Variants in MCC observed in about 807,000 individuals in gnomAD.
MCC encodes colorectal mutant cancer protein.
MCC carries 90 observed loss-of-function variants against 116.2 expected under a neutral mutation model. The ratio of observed to expected loss-of-function variants is 0.77; its 90% CI spans 0.65 to 0.92. The LOEUF (loss-of-function observed/expected upper bound fraction) is 0.92. MCC is among the 40% of genes least tolerant of loss of function. The pLI, the probability that MCC is intolerant of heterozygous loss-of-function variation, is 0.00. For missense variants in MCC, 1,516 were observed against 1,312.2 expected (o/e 1.16, Z -2.40); for synonymous variants, 578 against 510.5 (o/e 1.13, Z -1.78).
chr5:113,180,205 C>T (rs1358168979), intron 3 of MCC, among the ~76,000 whole-genome samples: 1 of 152,060 alleles, frequency 6.6e-6, no homozygotes, highest in South Asian at 2.1e-4. Flanking sequence ...TTTTTATTTG[C>T]CATGTTCTCA....
At chr5:113,442,535 G>A (rs921567876) in intron 1 of MCC, among the ~76,000 whole-genome samples, 1 of 152,100 alleles carries the variant, frequency 6.6e-6, no homozygotes, top group Non-Finnish European at 1.5e-5. Context: ...GGCTTTTGTT[G>A]CCATTGCTTT....
intron 3 of MCC, among the ~76,000 whole-genome samples, chr5:113,259,977 A>C (rs1413561568): frequency 6.6e-6 from 1 of 152,148 alleles, no homozygotes; most frequent in African/African-American, 2.4e-5. Context: ...CAAACTACAA[A>C]ATGACTCTAG....
rs559915062 is a variant in MCC, at chr5:113,026,313, T to C, written c.*989A>G. On this transcript the variant is annotated 3_prime_UTR_variant, in exon 19 of 19. Transcript: ENST00000408903. Reference sequence around the variant, plus strand: ...AGTAGGCGTGATAAGTTTTGCAAAATGTTCAGTATCTCCTCAGTGTCTTGT... The same window carrying C: ...AGTAGGCGTGATAAGTTTTGCAAAACGTTCAGTATCTCCTCAGTGTCTTGT... 1.3e-5 allele frequency: 2 copies of C among 152,326 alleles called. No homozygotes were observed. The highest frequency in any genetic ancestry group is 6.5e-5 in the Admixed American group (1 of 15,300). The allele number at this position is 152,326 out of a possible 1,614,324, so 9.4% of individuals were successfully genotyped here. A position where few individuals can be genotyped will look rare whatever the true frequency, so the allele number is the denominator to read the frequency against.
chr5:113,149,219 T>C (rs1241038808), intron 4 of MCC, among the ~76,000 whole-genome samples: 1 of 151,674 alleles, frequency 6.6e-6, no homozygotes, highest in Admixed American at 6.6e-5. Context: ...TTTTTAAATA[T>C]AAAAATAACT....
chr5:113,103,533 C>T (rs1756556399), intron 7 of MCC, among the ~76,000 whole-genome samples: 1 of 152,368 alleles, frequency 6.6e-6, no homozygotes, highest in South Asian at 2.1e-4. Context: ...GTGTTACAAA[C>T]ATGCATCGTG....
intron 3 of MCC, among the ~76,000 whole-genome samples, chr5:113,187,210 G>C (rs1761935867): frequency 6.6e-6 from 1 of 152,090 alleles, no homozygotes; most frequent in South Asian, 2.1e-4. Flanking sequence ...GCAAGTTCAA[G>C]CAATTCTTGT....
At chr5:113,087,477 C>A (rs1755280468) in intron 8 of MCC, among the ~76,000 whole-genome samples, 1 of 152,134 alleles carries the variant, frequency 6.6e-6, no homozygotes, top group Non-Finnish European at 1.5e-5. Context: ...GAAATGGTCC[C>A]TCACAAACCA....
intron 3 of MCC, among the ~76,000 whole-genome samples, chr5:113,333,793 A>ATATATATGTATATATG (rs201234572): frequency 3.6e-5 from 2 of 54,804 alleles, no homozygotes; most frequent in East Asian, 6.4e-4. Context: ...ATATATTTAT[A>ATATATATGTATATATG]TATATATGTA....
intron 1 of MCC, among the ~76,000 whole-genome samples, chr5:113,461,905 G>C (rs1397860154): frequency 2.0e-5 from 3 of 152,120 alleles, no homozygotes; most frequent in African/African-American, 7.2e-5. Flanking sequence ...GAGCACCCAG[G>C]AAAAGCAGGA....
intron 3 of MCC, among the ~76,000 whole-genome samples, chr5:113,162,936 A>G (rs991523853): frequency 1.3e-5 from 2 of 152,228 alleles, no homozygotes; most frequent in African/African-American, 4.8e-5. Context: ...TTAAGCAATC[A>G]GAATGATTCA....
At chr5:113,262,757 A>G (rs1358905350) in intron 3 of MCC, among the ~76,000 whole-genome samples, 1 of 152,132 alleles carries the variant, frequency 6.6e-6, no homozygotes, top group African/African-American at 2.4e-5. Context: ...CTATTAAAGG[A>G]AATTCCTGGG....
At chr5:113,199,295 T>C (rs1460399170) in intron 3 of MCC, among the ~76,000 whole-genome samples, 1 of 152,078 alleles carries the variant, frequency 6.6e-6, no homozygotes, top group Non-Finnish European at 1.5e-5. Flanking sequence ...GTGTAAATAA[T>C]ATATAAAACC....
At chr5:113,272,116 T>C (rs1417274460) in intron 3 of MCC, among the ~76,000 whole-genome samples, 2 of 152,208 alleles carry the variant, frequency 1.3e-5, no homozygotes, top group African/African-American at 4.8e-5. Context: ...ATTATCTTTT[T>C]CTGGATTTTG....
chr5:113,210,655 A>C (rs1189716489), intron 3 of MCC, among the ~76,000 whole-genome samples: 2 of 152,234 alleles, frequency 1.3e-5, no homozygotes, highest in South Asian at 2.1e-4. Context: ...GAATGAATAT[A>C]GGAAGAAGGA....
At chr5:113,121,428 T>A (rs1275551924) in intron 6 of MCC, among the ~76,000 whole-genome samples, 2 of 152,196 alleles carry the variant, frequency 1.3e-5, no homozygotes, top group Non-Finnish European at 2.9e-5. Flanking sequence ...CTCACACCTC[T>A]GTGTCCTCCA....
chr5:113,339,024 C>T (rs2150378195), intron 3 of MCC, among the ~76,000 whole-genome samples: 1 of 151,282 alleles, frequency 6.6e-6, no homozygotes, highest in East Asian at 1.9e-4. Context: ...AGTTCGAGAC[C>T]AGCCTGGCCA....
chr5:113,254,263 T>C (rs963886847), intron 3 of MCC, among the ~76,000 whole-genome samples: 4 of 152,324 alleles, frequency 2.6e-5, no homozygotes. Context: ...GCTCAAAGTA[T>C]ACTTGCCATG....
chr5:113,098,307 TCC>T (rs1167454181), intron 8 of MCC, among the ~76,000 whole-genome samples: 1 of 152,186 alleles, frequency 6.6e-6, no homozygotes, highest in Non-Finnish European at 1.5e-5. Flanking sequence ...TGTTTACCTG[TCC>T]CCACCACTTG....
rs374102374 is a variant in MCC at position 113,133,004 on chromosome 5, C to CT, written c.885-10179dup. Among the ~76,000 whole-genome samples the CT allele has an allele frequency of 1.9e-4, 29 of 149,132 alleles. No homozygotes were observed. In the East Asian group the frequency reaches 2.3e-3, roughly 12 times the overall value. On this transcript the variant is annotated intron_variant, in intron 5 of 18. Transcript: ENST00000408903. ...TGCAAAAATAAGAATCTATAACTTT[C>CT]TTTTTTTTTTGTTTTTACTGATACC... is the stretch of plus-strand genomic sequence containing the variant.
Sources: gnomAD v4.1 joint callset for allele counts (sites outside exome capture counted in the v4.1 genomes callset) on GRCh38, gnomAD v4.1.1 for gene constraint, MANE v1.5 for transcripts, NCBI Gene and HGNC (gene_info 2026-07-23, HGNC 2026-07-21) for gene names.